COL21A1: variants seen among roughly 807,000 people sequenced by gnomAD.
COL21A1 encodes collagen type XXI alpha 1 chain.
A neutral mutation model predicts 137.9 loss-of-function variants in COL21A1; 149 were observed. The ratio of observed to expected loss-of-function variants is 1.08; its 90% CI spans 0.95 to 1.24. The LOEUF (loss-of-function observed/expected upper bound fraction) is 1.24, where lower values mean the gene tolerates loss of function less well. COL21A1 is among the 50% of genes most tolerant of loss of function. The pLI, the probability that COL21A1 is intolerant of heterozygous loss-of-function variation, is 0.00. For synonymous variants in COL21A1, 456 were observed against 391.5 expected, an observed-to-expected ratio of 1.16 and a Z score of -1.95; for missense variants, 1,167 against 1,158.4, an observed-to-expected ratio of 1.01 and a Z score of -0.11.
intron 1 of COL21A1, among the ~76,000 whole-genome samples, chr6:56,243,614 C>A (rs547238942): frequency 2.0e-5 from 3 of 152,266 alleles, no homozygotes; most frequent in African/African-American, 7.2e-5. Context: ...TTACTATGAG[C>A]CAGGCACTGT....
intron 1 of COL21A1, among the ~76,000 whole-genome samples, chr6:56,240,692 C>T (rs752643284): frequency 2.0e-5 from 3 of 152,136 alleles, no homozygotes; most frequent in Non-Finnish European, 4.4e-5. Flanking sequence ...TGAAAGAGAA[C>T]TTTGCAAGCA....
chr6:56,375,110 G>A (rs1174783797), intron 1 of COL21A1, among the ~76,000 whole-genome samples: 1 of 152,188 alleles, frequency 6.6e-6, no homozygotes, highest in Non-Finnish European at 1.5e-5. Flanking sequence ...AGAAAAGTGA[G>A]AGAACGCCAG....
chr6:56,104,598 G>GA (rs35691156), intron 16 of COL21A1, among the ~76,000 whole-genome samples: 1 of 152,024 alleles, frequency 6.6e-6, no homozygotes, highest in Non-Finnish European at 1.5e-5. Context: ...TTTGGCATTT[G>GA]AAAAAGTATA....
intron 2 of COL21A1, among the ~76,000 whole-genome samples, chr6:56,181,781 C>T (rs968156041): frequency 2.6e-5 from 4 of 152,106 alleles, no homozygotes; most frequent in African/African-American, 9.7e-5. Context: ...CCCTCACAAG[C>T]TGTATGATGC....
At chr6:56,088,809 G>GTCTC (rs770383521) in intron 17 of COL21A1, among the ~76,000 whole-genome samples, 2 of 152,142 alleles carry the variant, frequency 1.3e-5, no homozygotes, top group African/African-American at 2.4e-5. Flanking sequence ...TTGAGATAGT[G>GTCTC]TCTCACTCAC....
intron 3 of COL21A1, among the ~76,000 whole-genome samples, chr6:56,172,871 ACC>A (rs1421485953): frequency 2.0e-5 from 3 of 152,094 alleles, no homozygotes; most frequent in Non-Finnish European, 4.4e-5. Flanking sequence ...GTTTCATGTA[ACC>A]CCTATGATAA....
At chr6:56,170,335 T>G (rs1243783120) in intron 5 of COL21A1, among the ~76,000 whole-genome samples, 1 of 151,872 alleles carries the variant, frequency 6.6e-6, no homozygotes, top group Non-Finnish European at 1.5e-5. Context: ...GAACTTAACA[T>G]CCTTGAATAT....
intron 1 of COL21A1, among the ~76,000 whole-genome samples, chr6:56,208,897 C>T (rs1329961016): frequency 6.6e-6 from 1 of 152,120 alleles, no homozygotes; most frequent in African/African-American, 2.4e-5. Flanking sequence ...TTATCTTTGA[C>T]AAACCTGACA....
intron 25 of COL21A1, 119 bp downstream of exon 25, chr6:56,061,530 G>T: frequency 3.7e-6 from 2 of 544,094 alleles, no homozygotes; most frequent in South Asian, 8.2e-5. Context: ...TACTGAAGAA[G>T]ATGAAAAACA....
chr6:56,074,178 A>T, intron 20 of COL21A1, 54 bp downstream of exon 20: 1 of 1,256,220 alleles, frequency 8.0e-7, no homozygotes, highest in South Asian at 1.4e-5. Context: ...AAAGTTATAA[A>T]TGGCCACTGT....
At chr6:56,257,264 C>A (rs1034185087) in intron 1 of COL21A1, among the ~76,000 whole-genome samples, 9 of 152,120 alleles carry the variant, frequency 5.9e-5, no homozygotes, top group African/African-American at 2.2e-4. Context: ...TACTATGGAG[C>A]TTATTTTGCC....
intron 10 of COL21A1, among the ~76,000 whole-genome samples, chr6:56,146,297 C>T (rs984103997): frequency 6.6e-5 from 10 of 152,224 alleles, no homozygotes; most frequent in Middle Eastern, 3.4e-3. Flanking sequence ...ACACAGCCAA[C>T]GTAACTAGGT....
intron 17 of COL21A1, among the ~76,000 whole-genome samples, chr6:56,098,805 T>TC (rs1250841610): frequency 6.9e-6 from 1 of 144,026 alleles, no homozygotes; most frequent in Non-Finnish European, 1.5e-5. Context: ...AACCCCCACC[T>TC]CCCAGGTTCA....
chr6:56,188,174 A>G (rs1293510712), intron 1 of COL21A1, among the ~76,000 whole-genome samples: 1 of 152,240 alleles, frequency 6.6e-6, no homozygotes, highest in Non-Finnish European at 1.5e-5. Flanking sequence ...ATTGGAATTC[A>G]TTCATTGTTG....
intron 1 of COL21A1, among the ~76,000 whole-genome samples, chr6:56,359,362 T>C (rs1765913376): frequency 1.3e-5 from 2 of 152,146 alleles, no homozygotes; most frequent in Admixed American, 1.3e-4. Context: ...CAAGGCCCCT[T>C]CAAAATGAAC....
intron 1 of COL21A1, among the ~76,000 whole-genome samples, chr6:56,334,805 A>C (rs926455098): frequency 4.6e-5 from 7 of 152,166 alleles, no homozygotes; most frequent in African/African-American, 1.7e-4. Context: ...ATCATTGTGA[A>C]AATGGGTTAG....
chr6:56,282,131 C>A (rs565574874), intron 1 of COL21A1, among the ~76,000 whole-genome samples: 1 of 152,262 alleles, frequency 6.6e-6, no homozygotes, highest in Non-Finnish European at 1.5e-5. Context: ...TGGTTGGGGT[C>A]ATACACAAAA....
intron 1 of COL21A1, among the ~76,000 whole-genome samples, chr6:56,293,075 A>G (rs1055039565): frequency 2.0e-5 from 3 of 152,220 alleles, no homozygotes; most frequent in Admixed American, 6.5e-5. Flanking sequence ...ATTCTGCATA[A>G]TTTTAAAATA....
At chr6:56,215,681 A>T (rs574922374) in intron 1 of COL21A1, among the ~76,000 whole-genome samples, 2 of 152,216 alleles carry the variant, frequency 1.3e-5, no homozygotes, top group South Asian at 4.1e-4. Context: ...AATGCTAAGT[A>T]AAATGGCATA....
Sources: gnomAD v4.1 joint callset for allele counts (sites outside exome capture counted in the v4.1 genomes callset) on GRCh38, gnomAD v4.1.1 for gene constraint, MANE v1.5 for transcripts, NCBI Gene and HGNC (gene_info 2026-07-23, HGNC 2026-07-21) for gene names.